The following ATP11B variants were observed in gnomAD, a reference collection of about 807,000 sequenced individuals.
ATP11B encodes phospholipid-transporting ATPase IF.
ATP11B carries 81 observed loss-of-function variants against 157.8 expected under a neutral mutation model. That is an observed-to-expected ratio of 0.51 (90% CI 0.43 to 0.62). The LOEUF (loss-of-function observed/expected upper bound fraction) is 0.62. ATP11B is among the 20% of genes least tolerant of loss of function. ATP11B has a pLI of 0.00. For synonymous variants in ATP11B, 451 were observed against 469.4 expected (o/e 0.96, Z 0.51); for missense variants, 1,165 against 1,402.2 (o/e 0.83, Z 2.70).
At chr3:182,798,968 T>G (rs534780446) in intron 1 of ATP11B, among the ~76,000 whole-genome samples, 3 of 152,390 alleles carry the variant, frequency 2.0e-5, no homozygotes, top group African/African-American at 7.2e-5. Context: ...TAGGCCATAT[T>G]TCTGTTCTAC....
chr3:182,897,238 A>T (rs1723615096), intron 26 of ATP11B, 65 bp from the exon 27 acceptor site: 1 of 881,974 alleles, frequency 1.1e-6, no homozygotes, highest in South Asian at 2.0e-5. Context: ...CTTGAGTTTC[A>T]TCTGAAAGGT....
At chr3:182,905,438 A>G (rs1220700912) in intron 28 of ATP11B, among the ~76,000 whole-genome samples, 4 of 152,224 alleles carry the variant, frequency 2.6e-5, no homozygotes, top group Non-Finnish European at 5.9e-5. Context: ...TGAGAAGGGA[A>G]GCAGGAAAGG....
rs1721737540 is a variant in ATP11B, at chr3:182,872,498, A to G, written c.2009A>G (p.Lys670Arg). The G allele has an allele frequency of 6.2e-7, 1 of 1,613,844 alleles. No homozygotes were observed. The highest frequency in any genetic ancestry group is 1.7e-5 in the Admixed American group (1 of 59,918). Reference sequence around the variant, plus strand: ...GCAGCTGTTTTCCAGTTCATAGAGAAAGACCTGATATTACTTGGAGCCACA... The same window carrying G: ...GCAGCTGTTTTCCAGTTCATAGAGAGAGACCTGATATTACTTGGAGCCACA... ...KLAAVFQFIE[K>R]DLILLGATAV... The change falls in exon 18 of 30, where the codon AAA becomes AGA. Residue 670 changes from lysine (K) to arginine (R), a missense_variant. By Grantham distance (26) the Lys-to-Arg change is conservative. Transcript: ENST00000323116.
rs1316984911 is a variant in ATP11B, at chr3:182,836,031, A to G, written c.316-4A>G. On this transcript the variant is annotated splice_polypyrimidine_tract_variant and splice_region_variant and intron_variant, in intron 4 of 29. Transcript: ENST00000323116. ...ATTATTTTTTACCCTTTGGATATTT[A>G]CAGGGATATGAAGATTGGTTACGGC... 6.3e-7 allele frequency: 1 copy of G among 1,597,632 alleles called. No homozygotes were observed. Among genetic ancestry groups the G allele is most frequent in the Non-Finnish European group, 8.5e-7 (1 of 1,171,170 alleles).
At chr3:182,894,989 G>C (rs1723434759) in intron 25 of ATP11B, among the ~76,000 whole-genome samples, 1 of 151,614 alleles carries the variant, frequency 6.6e-6, no homozygotes, top group Admixed American at 6.6e-5. Context: ...AGCTAAGTGT[G>C]GTGGCGTGTG....
Position 182,842,103 on chromosome 3 carries a change from CA to C in ATP11B, c.688del (p.Met230TrpfsTer5). The C allele has an allele frequency of 6.2e-7, 1 of 1,601,542 alleles. No homozygotes were observed. Among genetic ancestry groups the C allele is most frequent in the South Asian group, 1.1e-5 (1 of 90,370 alleles). On this transcript the variant is annotated frameshift_variant, in exon 8 of 30. Coordinates refer to ENST00000323116, the MANE Select transcript of ATP11B (RefSeq NM_014616.3). LOFTEE classifies it high-confidence loss of function. ...RFMGRMIITQ[Q>X]MEEIVRPLGP... ...CATGGGACGAATGATCATAACCCAACAAATGGAAGAAATTGTAAGGTAAGAA... is the reference window on the plus strand; with the variant it reads ...CATGGGACGAATGATCATAACCCAACAATGGAAGAAATTGTAAGGTAAGAA...
intron 10 of ATP11B, among the ~76,000 whole-genome samples, chr3:182,849,814 G>T (rs1020089624): frequency 7.9e-5 from 12 of 151,916 alleles, no homozygotes; most frequent in African/African-American, 2.9e-4. Flanking sequence ...AGAGAAAAAA[G>T]GACAGAATAA....
At chr3:182,850,978 ATTATG>A (rs1453679459) in intron 10 of ATP11B, among the ~76,000 whole-genome samples, 2 of 152,230 alleles carry the variant, frequency 1.3e-5, no homozygotes, top group Non-Finnish European at 2.9e-5. Context: ...ACTGAAGATC[ATTATG>A]TTAAGTGATA....
intron 1 of ATP11B, among the ~76,000 whole-genome samples, chr3:182,803,641 G>C (rs1487398719): frequency 6.6e-6 from 1 of 152,026 alleles, no homozygotes; most frequent in East Asian, 1.9e-4. Flanking sequence ...TTAACATTTA[G>C]ATCTTTAAAG....
chr3:182,825,382 G>A (rs1208885362), intron 2 of ATP11B, among the ~76,000 whole-genome samples: 1 of 151,958 alleles, frequency 6.6e-6, no homozygotes, highest in Non-Finnish European at 1.5e-5. Flanking sequence ...GTGGTTGTGT[G>A]GTATGTCTTT....
chr3:182,906,629 T>C (rs1400057032), intron 28 of ATP11B, among the ~76,000 whole-genome samples: 1 of 152,102 alleles, frequency 6.6e-6, no homozygotes, highest in African/African-American at 2.4e-5. Context: ...TTTTGTATTT[T>C]TTGTGGAGAC....
chr3:182,867,537 G>T, intron 15 of ATP11B, 93 bp downstream of exon 15: 1 of 680,184 alleles, frequency 1.5e-6, no homozygotes, highest in Non-Finnish European at 2.4e-6. Context: ...GGGCAAATGT[G>T]GCCTATATTT....
intron 28 of ATP11B, among the ~76,000 whole-genome samples, chr3:182,899,479 T>G (rs1028511019): frequency 5.3e-5 from 8 of 152,118 alleles, no homozygotes; most frequent in African/African-American, 1.7e-4. Context: ...TTATATTATT[T>G]TCACCAAAAA....
intron 28 of ATP11B, among the ~76,000 whole-genome samples, chr3:182,913,037 C>T (rs1380153228): frequency 6.6e-6 from 1 of 151,964 alleles, no homozygotes; most frequent in African/African-American, 2.4e-5. Flanking sequence ...AATTGTTAGT[C>T]GTGTGGAATA....
At chr3:182,819,225 C>T (rs1173453594) in intron 1 of ATP11B, among the ~76,000 whole-genome samples, 8 of 151,820 alleles carry the variant, frequency 5.3e-5, no homozygotes, top group African/African-American at 1.5e-4. Flanking sequence ...CCCGCCACCA[C>T]GCCCGGCTAA....
intron 10 of ATP11B, among the ~76,000 whole-genome samples, chr3:182,851,902 A>G (rs191125560): frequency 6.6e-6 from 1 of 152,352 alleles, no homozygotes; most frequent in Non-Finnish European, 1.5e-5. Flanking sequence ...GTCTAGAAGA[A>G]ATACAGTTTA....
chr3:182,793,915 G>A lies in ATP11B; in HGVS notation c.27+129G>A, dbSNP rs1276531189. 27 of 493,570 alleles carry A rather than the reference G, an allele frequency of 5.5e-5. No individual in the cohort carries two copies. In the East Asian group the frequency reaches 1.1e-3, roughly 20 times the overall value. The allele number at this position is 493,570 out of a possible 1,614,324, so 30.6% of individuals were successfully genotyped here. A position where few individuals can be genotyped will look rare whatever the true frequency, so the allele number is the denominator to read the frequency against. On this transcript the variant is annotated intron_variant, in intron 1 of 29. Transcript: ENST00000323116. ...GTGGGCGCCCGGCTAGGCCGCAGCG[G>A]AGACGGGCGCGGGGCCCAGAGCCGG...
intron 29 of ATP11B, chr3:182,915,631 GAATT>G: frequency 2.1e-6 from 2 of 964,090 alleles, no homozygotes; most frequent in Non-Finnish European, 2.5e-6. Flanking sequence ...TTTAAAACTA[GAATT>G]AATTTTAAAT....
chr3:182,860,532 G>A (rs1720752894), intron 12 of ATP11B, among the ~76,000 whole-genome samples: 1 of 151,824 alleles, frequency 6.6e-6, no homozygotes, highest in Non-Finnish European at 1.5e-5. Flanking sequence ...TTTTCATCCT[G>A]GAAATACATG....
Sources: gnomAD v4.1 joint callset for allele counts (sites outside exome capture counted in the v4.1 genomes callset) on GRCh38, gnomAD v4.1.1 for gene constraint, MANE v1.5 for transcripts, NCBI Gene and HGNC (gene_info 2026-07-23, HGNC 2026-07-21) for gene names.